Variants in LRFN2 observed in about 807,000 individuals in gnomAD.
LRFN2 encodes the protein leucine-rich repeat and fibronectin type-III domain-containing protein 2.
Under a neutral mutation model 37.3 loss-of-function variants are expected in LRFN2, and 18 were observed. That is an observed-to-expected ratio of 0.48 (90% confidence interval 0.33 to 0.72). LRFN2 has a LOEUF of 0.72. LRFN2 is among the 30% of genes least tolerant of loss of function. The pLI is 0.02. For missense variants in LRFN2, 1,006 were observed against 1,060.7 expected (o/e 0.95, Z 0.72); for synonymous variants, 556 against 466.6 (o/e 1.19, Z -2.47).
chr6:40,562,835 T>A (rs1737680), intron 1 of LRFN2, among the ~76,000 whole-genome samples: 65,073 of 125,134 alleles, frequency 0.52, 15,201 homozygotes, highest in African/African-American at 0.64. Flanking sequence ...GTGCACTCAC[T>A]CACACACACA....
intron 1 of LRFN2, among the ~76,000 whole-genome samples, chr6:40,446,608 C>G (rs963338540): frequency 6.6e-6 from 1 of 152,222 alleles, no homozygotes; most frequent in Non-Finnish European, 1.5e-5. Context: ...ACATTGAACA[C>G]CTGCTGTGCT....
intron 1 of LRFN2, among the ~76,000 whole-genome samples, chr6:40,472,931 C>T (rs1047537426): frequency 1.4e-4 from 21 of 152,252 alleles, no homozygotes; most frequent in African/African-American, 4.6e-4. Flanking sequence ...TTCATTCACT[C>T]GGGGCTGCAT....
chr6:40,455,376 A>G (rs1764211776), intron 1 of LRFN2, among the ~76,000 whole-genome samples: 1 of 152,230 alleles, frequency 6.6e-6, no homozygotes, highest in African/African-American at 2.4e-5. Flanking sequence ...ATTTCCATGC[A>G]GCCATGTGGA....
At chr6:40,450,857 T>C (rs549909771) in intron 1 of LRFN2, among the ~76,000 whole-genome samples, 9 of 152,202 alleles carry the variant, frequency 5.9e-5, no homozygotes, top group Non-Finnish European at 1.0e-4. Context: ...TCTCGAGGAG[T>C]ACAAAGTTCT....
At chr6:40,479,921 G>C (rs555087378) in intron 1 of LRFN2, among the ~76,000 whole-genome samples, 1 of 152,348 alleles carries the variant, frequency 6.6e-6, no homozygotes, top group South Asian at 2.1e-4. Flanking sequence ...CTTAAAGCCT[G>C]TTATTTTTTT....
intron 1 of LRFN2, among the ~76,000 whole-genome samples, chr6:40,492,846 A>G (rs1765124501): frequency 6.6e-6 from 1 of 152,154 alleles, no homozygotes; most frequent in African/African-American, 2.4e-5. Flanking sequence ...ACCCCTCCCA[A>G]TTCGCTGCCC....
At chr6:40,401,625 A>G (rs947513300) in intron 2 of LRFN2, among the ~76,000 whole-genome samples, 1 of 152,176 alleles carries the variant, frequency 6.6e-6, no homozygotes, top group Non-Finnish European at 1.5e-5. Context: ...AGATGAAGTG[A>G]GCCTGAAGTA....
chr6:40,491,666 G>A (rs1043946363), intron 1 of LRFN2, among the ~76,000 whole-genome samples: 4 of 149,306 alleles, frequency 2.7e-5, no homozygotes, highest in African/African-American at 4.9e-5. Flanking sequence ...GTGTGACTGT[G>A]GGTAGGTAGG....
At chr6:40,528,443 C>T (rs1001382309) in intron 1 of LRFN2, among the ~76,000 whole-genome samples, 19 of 152,230 alleles carry the variant, frequency 1.2e-4, no homozygotes, top group Non-Finnish European at 2.5e-4. Flanking sequence ...CCCTCCAGTG[C>T]TTAGGTCCTG....
At chr6:40,494,178 G>T (rs1257481098) in intron 1 of LRFN2, among the ~76,000 whole-genome samples, 2 of 152,194 alleles carry the variant, frequency 1.3e-5, no homozygotes, top group South Asian at 4.1e-4. Context: ...ACAGGACATC[G>T]GTTTCCATTC....
At chr6:40,476,433 C>T (rs1764711036) in intron 1 of LRFN2, among the ~76,000 whole-genome samples, 1 of 152,226 alleles carries the variant, frequency 6.6e-6, no homozygotes, top group Admixed American at 6.5e-5. Context: ...GCAGGGCCCA[C>T]ATTCTCTTGT....
intron 1 of LRFN2, among the ~76,000 whole-genome samples, chr6:40,539,575 C>T (rs557636684): frequency 6.6e-6 from 1 of 152,196 alleles, no homozygotes; most frequent in Non-Finnish European, 1.5e-5. Flanking sequence ...AAAACAGAAT[C>T]TCTACCCTCA....
intron 1 of LRFN2, among the ~76,000 whole-genome samples, chr6:40,576,796 G>A (rs1221380355): frequency 1.3e-5 from 2 of 152,062 alleles, no homozygotes; most frequent in African/African-American, 4.8e-5. Context: ...GTGGCTGGGA[G>A]GCCTGGGCTT....
At chr6:40,541,788 G>A (rs1581786524) in intron 1 of LRFN2, among the ~76,000 whole-genome samples, 1 of 152,178 alleles carries the variant, frequency 6.6e-6, no homozygotes, top group South Asian at 2.1e-4. Flanking sequence ...TGAAACGTGG[G>A]CCTCTGCCAG....
intron 1 of LRFN2, among the ~76,000 whole-genome samples, chr6:40,438,129 T>C (rs59114606): frequency 0.13 from 19,484 of 152,144 alleles, 1,779 homozygotes; most frequent in African/African-American, 0.22. Context: ...AGAATGTCTA[T>C]GAGTCTGCAC....
rs751087735 is a variant in LRFN2, at chr6:40,392,536, C to T, written c.1777G>A (p.Gly593Arg). The change falls in exon 3 of 3, where the codon GGG becomes AGG. Residue 593 changes from glycine (G) to arginine (R), a missense_variant. Physicochemically the swap from Gly to Arg is moderately radical, Grantham distance 125. Coordinates refer to ENST00000338305, the MANE Select transcript of LRFN2 (RefSeq NM_020737.3). The surrounding 1 kb of genome is among the most constrained non-coding windows in gnomAD (Gnocchi z 4.7). ...TTCGGCGGGCCCTGCGGCGGGGCCC[C>T]GGCTGGTGCGCTGCTTGGAGGCGGT... is the stretch of plus-strand genomic sequence containing the variant. The part of the protein sequence containing the change: ...QPPPPSSAPA[G>R]APPQGPPKVV... 65 of 1,574,518 alleles carry T rather than the reference C, an allele frequency of 4.1e-5. No homozygotes were observed. Among genetic ancestry groups the T allele is most frequent in the Non-Finnish European group, 5.1e-5 (59 of 1,163,556 alleles).
At chr6:40,584,610 G>C (rs1355709602) in intron 1 of LRFN2, among the ~76,000 whole-genome samples, 1 of 152,106 alleles carries the variant, frequency 6.6e-6, no homozygotes, top group Admixed American at 6.5e-5. Flanking sequence ...GAACTCCCTA[G>C]ATGCTAATAT....
chr6:40,538,906 A>AT (rs1451816655), intron 1 of LRFN2, among the ~76,000 whole-genome samples: 6 of 152,238 alleles, frequency 3.9e-5, no homozygotes, highest in Admixed American at 2.0e-4. Flanking sequence ...TTAAAAGATG[A>AT]TTTTTTCCAT....
At chr6:40,478,845 C>T (rs1199400563) in intron 1 of LRFN2, among the ~76,000 whole-genome samples, 1 of 152,206 alleles carries the variant, frequency 6.6e-6, no homozygotes, top group Non-Finnish European at 1.5e-5. Context: ...TAATTTGGAA[C>T]CAGCTAGTGG....
Sources: gnomAD v4.1 joint callset for allele counts (sites outside exome capture counted in the v4.1 genomes callset) on GRCh38, gnomAD v4.1.1 for gene constraint, Gnocchi (gnomAD v3.1) non-coding constraint, MANE v1.5 for transcripts, NCBI Gene and HGNC (gene_info 2026-07-23, HGNC 2026-07-21) for gene names.